The following PTPRD variants were observed in gnomAD, a reference collection of about 807,000 sequenced individuals.
The protein encoded by PTPRD is protein tyrosine phosphatase receptor type D.
Under a neutral mutation model 214.5 loss-of-function variants are expected in PTPRD, and 34 were observed. The observed-to-expected ratio is 0.16, with a 90% confidence interval of 0.12 to 0.21. The LOEUF (loss-of-function observed/expected upper bound fraction) is 0.21, where lower values mean the gene tolerates loss of function less well. Among genes scored for constraint, PTPRD ranks in the 10% least tolerant of loss-of-function variants. The pLI, the probability that PTPRD is intolerant of heterozygous loss-of-function variation, is 1.00. For synonymous variants in PTPRD, 1,128 were observed against 845.7 expected (o/e 1.33, Z -5.79); for missense variants, 2,545 against 2,398.7 (o/e 1.06, Z -1.27).
intron 4 of PTPRD, among the ~76,000 whole-genome samples, chr9:10,008,172 C>T (rs2096528051): frequency 6.6e-6 from 1 of 151,924 alleles, no homozygotes; most frequent in South Asian, 2.1e-4. Context: ...CTCAGAGAAA[C>T]CTTGAAAACT....
intron 7 of PTPRD, among the ~76,000 whole-genome samples, chr9:9,652,889 T>C (rs564422443): frequency 5.3e-5 from 8 of 152,184 alleles, no homozygotes; most frequent in South Asian, 2.1e-4. Flanking sequence ...GCTGGGATTA[T>C]AGGCATGTGC....
intron 2 of PTPRD, among the ~76,000 whole-genome samples, chr9:10,454,616 C>A (rs1017142539): frequency 1.3e-5 from 2 of 151,572 alleles, no homozygotes; most frequent in African/African-American, 2.4e-5. Flanking sequence ...TATTTTCTAC[C>A]TCTTCTCTCC....
intron 3 of PTPRD, among the ~76,000 whole-genome samples, chr9:10,251,548 C>G (rs1158891444): frequency 2.0e-5 from 3 of 152,004 alleles, no homozygotes; most frequent in Non-Finnish European, 4.4e-5. Flanking sequence ...ACAATAAAAT[C>G]CACATTATAT....
intron 9 of PTPRD, among the ~76,000 whole-genome samples, chr9:9,186,844 T>C (rs2099931934): frequency 6.6e-6 from 1 of 152,040 alleles, no homozygotes. Flanking sequence ...AATCTTCTAT[T>C]TTCTAACTGG....
intron 12 of PTPRD, among the ~76,000 whole-genome samples, chr9:8,714,175 C>A (rs1299211552): frequency 6.6e-6 from 1 of 152,188 alleles, no homozygotes; most frequent in Non-Finnish European, 1.5e-5. Context: ...TCCATCACTT[C>A]AGGAGAAAAT....
At chr9:8,924,827 T>C (rs2098857957) in intron 11 of PTPRD, among the ~76,000 whole-genome samples, 1 of 152,190 alleles carries the variant, frequency 6.6e-6, no homozygotes, top group African/African-American at 2.4e-5. Context: ...AATATTTCTC[T>C]GATTTGCTTT....
chr9:9,572,879 G>C (rs535795535), intron 8 of PTPRD, among the ~76,000 whole-genome samples: 65 of 151,474 alleles, frequency 4.3e-4, no homozygotes, highest in African/African-American at 1.4e-3. Context: ...GCTGAAGTTA[G>C]GATGAAAAAC....
chr9:10,435,707 T>G (rs1454885109), intron 2 of PTPRD, among the ~76,000 whole-genome samples: 1 of 151,894 alleles, frequency 6.6e-6, no homozygotes, highest in African/African-American at 2.4e-5. Context: ...CTAATAATCA[T>G]GCATAAAATA....
At chr9:9,619,743 A>G (rs969170513) in intron 7 of PTPRD, among the ~76,000 whole-genome samples, 2 of 146,200 alleles carry the variant, frequency 1.4e-5, no homozygotes, top group African/African-American at 4.9e-5. Flanking sequence ...AATTTTCTAT[A>G]GATGTAATAT....
chr9:8,776,885 G>A (rs60485416), intron 11 of PTPRD, among the ~76,000 whole-genome samples: 87,457 of 142,286 alleles, frequency 0.61, 26,139 homozygotes, highest in Middle Eastern at 0.7. Flanking sequence ...TATAGTATAT[G>A]AATATTATAT....
intron 9 of PTPRD, among the ~76,000 whole-genome samples, chr9:9,352,323 ATATATGTG>A (rs2051599877): frequency 9.0e-6 from 1 of 110,546 alleles, no homozygotes; most frequent in South Asian, 3.8e-4. Context: ...ATATATATAT[ATATATGTG>A]TGTGTGTGTG....
chr9:8,862,974 C>T (rs141201107), intron 11 of PTPRD, among the ~76,000 whole-genome samples: 6,339 of 152,118 alleles, frequency 0.042, 322 homozygotes, highest in African/African-American at 0.11. Context: ...CTAGATGACG[C>T]GTTAGTGGGT....
At chr9:9,167,662 C>A (rs551152190) in intron 10 of PTPRD, among the ~76,000 whole-genome samples, 2 of 151,866 alleles carry the variant, frequency 1.3e-5, no homozygotes, top group Admixed American at 1.3e-4. Flanking sequence ...GGCTGAGGCA[C>A]AAGAATCGCT....
At chr9:10,354,727 C>T (rs969661771) in intron 2 of PTPRD, among the ~76,000 whole-genome samples, 2 of 152,064 alleles carry the variant, frequency 1.3e-5, no homozygotes, top group East Asian at 3.9e-4. Context: ...GCTAGGGTGA[C>T]GTTATATCTT....
At chr9:9,034,257 T>C (rs147041959) in intron 10 of PTPRD, among the ~76,000 whole-genome samples, 2 of 152,260 alleles carry the variant, frequency 1.3e-5, no homozygotes, top group African/African-American at 2.4e-5. Flanking sequence ...TAGGAATCCA[T>C]ATACAGCGTA....
At chr9:8,937,980 T>A (rs911455924) in intron 11 of PTPRD, among the ~76,000 whole-genome samples, 1 of 152,164 alleles carries the variant, frequency 6.6e-6, no homozygotes, top group Non-Finnish European at 1.5e-5. Flanking sequence ...CACTAGAAAA[T>A]AAATACAATT....
intron 3 of PTPRD, among the ~76,000 whole-genome samples, chr9:10,261,018 G>A (rs1163740722): frequency 6.9e-5 from 8 of 115,542 alleles, no homozygotes; most frequent in East Asian, 2.4e-4. Flanking sequence ...GTATATATGT[G>A]TGTATATATA....
At chr9:9,349,414 C>CTTA (rs2050229000) in intron 9 of PTPRD, among the ~76,000 whole-genome samples, 2 of 152,028 alleles carry the variant, frequency 1.3e-5, no homozygotes, top group African/African-American at 4.8e-5. Context: ...AGAAACACTG[C>CTTA]AAGCAAGCTT....
At chr9:8,899,884 T>C (rs1478078346) in intron 11 of PTPRD, among the ~76,000 whole-genome samples, 1 of 152,184 alleles carries the variant, frequency 6.6e-6, no homozygotes, top group Non-Finnish European at 1.5e-5. Flanking sequence ...GAGCAACAAG[T>C]ATTTGTTAAA....
Sources: allele counts gnomAD v4.1 joint callset (sites outside exome capture counted in the v4.1 genomes callset), GRCh38; gene constraint gnomAD v4.1.1; transcripts MANE v1.5; gene names NCBI Gene and HGNC (gene_info 2026-07-23, HGNC 2026-07-21).